DACH2: variants seen among roughly 807,000 people sequenced by gnomAD.
The protein encoded by DACH2 is dachshund homolog 2.
Under a neutral mutation model 35.8 loss-of-function variants are expected in DACH2, and 17 were observed. That is an observed-to-expected ratio of 0.48 (90% CI 0.33 to 0.71). DACH2 has a LOEUF of 0.71. DACH2 is among the 30% of genes least tolerant of loss of function. The pLI is 0.02. For synonymous variants in DACH2, 195 were observed against 177.3 expected (o/e 1.10, Z -0.79); for missense variants, 469 against 472.7 (o/e 0.99, Z 0.07).
chrX:86,276,580 G>C (rs1348435341), intron 1 of DACH2, among the ~76,000 whole-genome samples: 1 of 71,072 alleles, frequency 1.4e-5, no homozygotes, highest in Non-Finnish European at 2.5e-5. Flanking sequence ...CTGTGCTTGT[G>C]GGGTACTGCT....
chrX:86,681,611 A>C (rs5968968), intron 4 of DACH2, among the ~76,000 whole-genome samples: 19,232 of 85,850 alleles, frequency 0.22, 1,756 homozygotes, highest in East Asian at 0.37. Flanking sequence ...CTCTCTCTCT[A>C]TATATATATA....
chrX:86,751,480 T>A (rs968117670), intron 7 of DACH2, among the ~76,000 whole-genome samples: 3 of 111,212 alleles, frequency 2.7e-5, no homozygotes, highest in Non-Finnish European at 3.8e-5. Context: ...CCCTTCATGT[T>A]AAAAACTCTC....
intron 1 of DACH2, chrX:86,263,148 A>T (rs2033657030): frequency 4.1e-6 from 1 of 242,259 alleles, no homozygotes; most frequent in Admixed American, 9.3e-5. Flanking sequence ...GTCAAAAGAA[A>T]GCAGCTATGA....
chrX:86,831,098 T>C (rs189133284), intron 11 of DACH2: 64 of 111,457 alleles, frequency 5.7e-4, no homozygotes, highest in African/African-American at 2.0e-3. Context: ...TCTTTATTTT[T>C]GGTTCTGAGG....
intron 5 of DACH2, among the ~76,000 whole-genome samples, chrX:86,703,006 T>C (rs1334068548): frequency 9.0e-6 from 1 of 110,731 alleles, no homozygotes; most frequent in African/African-American, 3.3e-5. Context: ...TGAACCTAAA[T>C]GAAAAAATCC....
At chrX:86,213,460 A>T (rs749020736) in intron 1 of DACH2, among the ~76,000 whole-genome samples, 1 of 111,483 alleles carries the variant, frequency 9.0e-6, no homozygotes, top group East Asian at 2.8e-4. Flanking sequence ...TCATCATAAC[A>T]TCATAAAATT....
chrX:86,548,794 C>G (rs1246205282), intron 3 of DACH2, among the ~76,000 whole-genome samples: 2 of 112,313 alleles, frequency 1.8e-5, no homozygotes, highest in Admixed American at 9.5e-5. Context: ...TCTTAAAATA[C>G]TTAACAAATA....
At chrX:86,338,377 C>T (rs1451549559) in intron 1 of DACH2, among the ~76,000 whole-genome samples, 11 of 111,675 alleles carry the variant, frequency 9.9e-5, no homozygotes, top group Non-Finnish European at 1.9e-4. Context: ...CAGACCACAG[C>T]ACAATCAAAT....
At chrX:86,660,244 A>G (rs2040591308) in intron 4 of DACH2, among the ~76,000 whole-genome samples, 1 of 111,000 alleles carries the variant, frequency 9.0e-6, no homozygotes, top group Non-Finnish European at 1.9e-5. Flanking sequence ...AAGTCAAAAT[A>G]AATTATATCT....
At position 86,329,943 on chromosome X, in the gene DACH2, G is replaced by C; in HGVS notation, c.489-46881G>C. 3.6e-5 allele frequency among the ~76,000 whole-genome samples: 4 copies of C among 111,750 alleles called. No individual in the cohort carries two copies. In the South Asian group the frequency reaches 1.5e-3, roughly 42 times the overall value. ...ATAGTTTTATTTGGGGCTAGTGTTT[G>C]AAAGCAGCTTGGAAGTGATTTTTCT... On this transcript the variant is annotated intron_variant, in intron 1 of 11. Transcript: ENST00000373125.
At chrX:86,588,123 G>A (rs762497842) in intron 3 of DACH2, among the ~76,000 whole-genome samples, 30 of 111,178 alleles carry the variant, frequency 2.7e-4, no homozygotes, top group Non-Finnish European at 4.4e-4. Context: ...TATTAAATAG[G>A]TAGTCATTTT....
At chrX:86,608,714 A>G (rs1007105743) in intron 3 of DACH2, among the ~76,000 whole-genome samples, 2 of 111,570 alleles carry the variant, frequency 1.8e-5, no homozygotes. Flanking sequence ...TTCACCAGAT[A>G]TATTACTCCA....
chrX:86,418,355 A>G (rs1043979283), intron 2 of DACH2, among the ~76,000 whole-genome samples: 1 of 112,309 alleles, frequency 8.9e-6, no homozygotes, highest in African/African-American at 3.2e-5. Context: ...GCCCTAGCAG[A>G]AGTTCTCCAT....
At chrX:86,444,556 G>T (rs1223954759) in intron 2 of DACH2, among the ~76,000 whole-genome samples, 1 of 111,415 alleles carries the variant, frequency 9.0e-6, no homozygotes, top group African/African-American at 3.3e-5. Context: ...ATGAGTACAG[G>T]AATTTATCCA....
At chrX:86,217,866 G>C (rs2032615158) in intron 1 of DACH2, among the ~76,000 whole-genome samples, 2 of 111,492 alleles carry the variant, frequency 1.8e-5, no homozygotes, top group Non-Finnish European at 3.8e-5. Context: ...TGTAAGGAGA[G>C]TGAATATGGA....
intron 3 of DACH2, among the ~76,000 whole-genome samples, chrX:86,587,086 C>A (rs2039581917): frequency 3.6e-5 from 4 of 111,784 alleles, no homozygotes; most frequent in Middle Eastern, 4.7e-3. Context: ...TCTCTGATTT[C>A]TTTGAGCAGT....
chrX:86,478,472 G>A (rs1384530395), intron 2 of DACH2, among the ~76,000 whole-genome samples: 1 of 109,967 alleles, frequency 9.1e-6, no homozygotes, highest in Admixed American at 9.7e-5. Context: ...TGGGCTGCCA[G>A]ATGCATTGGA....
chrX:86,734,343 G>A (rs2041572724), intron 6 of DACH2, among the ~76,000 whole-genome samples: 2 of 110,579 alleles, frequency 1.8e-5, no homozygotes, highest in Admixed American at 2.0e-4. Flanking sequence ...TTGAAATTAT[G>A]CCTTCAAAAC....
intron 7 of DACH2, among the ~76,000 whole-genome samples, chrX:86,758,807 A>G (rs1332790147): frequency 4.5e-5 from 5 of 112,209 alleles, no homozygotes; most frequent in Non-Finnish European, 9.4e-5. Context: ...AGGTACATAT[A>G]TTTATGAAGC....
Sources: gnomAD v4.1 joint callset for allele counts (sites outside exome capture counted in the v4.1 genomes callset) on GRCh38, gnomAD v4.1.1 for gene constraint, MANE v1.5 for transcripts, NCBI Gene and HGNC (gene_info 2026-07-23, HGNC 2026-07-21) for gene names.